SLC9D1: variants seen among roughly 807,000 people sequenced by gnomAD.
SLC9D1 encodes the protein solute carrier family 9 member D1, also known as putative LAG1-interacting protein.
chr13:113,518,297 G>A, the SLC9D1 span, among the ~76,000 whole-genome samples: 1 of 152,110 alleles, frequency 6.6e-6, no homozygotes, highest in African/African-American at 2.4e-5. Flanking sequence ...TGTTTCCTGC[G>A]CAGGCCCTGT....
At chr13:113,493,980 T>A in the SLC9D1 span, among the ~76,000 whole-genome samples, 2 of 152,240 alleles carry the variant, frequency 1.3e-5, no homozygotes, top group Non-Finnish European at 2.9e-5. Context: ...ATGCTGCCCT[T>A]ACTTTTGCTG....
At chr13:113,501,468 G>T in the SLC9D1 span, among the ~76,000 whole-genome samples, 2 of 152,136 alleles carry the variant, frequency 1.3e-5, no homozygotes, top group Non-Finnish European at 2.9e-5. Context: ...ATTCTGGTCT[G>T]GGGGGCAGGG....
At chr13:113,510,157 G>A in the SLC9D1 span, 2 of 1,297,890 alleles carry the variant, frequency 1.5e-6, no homozygotes, top group Non-Finnish European at 2.2e-6. Context: ...TTTCCTGGAT[G>A]CAGAAATGCG....
At chr13:113,509,406 G>A in the SLC9D1 span, among the ~76,000 whole-genome samples, 2,284 of 149,702 alleles carry the variant, frequency 0.015, 41 homozygotes, top group Non-Finnish European at 0.022. Flanking sequence ...GCCTGTCTAT[G>A]TTGGGACTGG....
At chr13:113,508,784 G>A in the SLC9D1 span, among the ~76,000 whole-genome samples, 6 of 152,250 alleles carry the variant, frequency 3.9e-5, no homozygotes, top group East Asian at 1.9e-4. Flanking sequence ...AAGCTGGGGC[G>A]TGTCTGCTCA....
chr13:113,533,139 C>T, the SLC9D1 span, among the ~76,000 whole-genome samples: 28 of 110,202 alleles, frequency 2.5e-4, no homozygotes, highest in Admixed American at 1.2e-3. Context: ...GGCCCTGCAG[C>T]GAGCTCTGAA....
the SLC9D1 span, chr13:113,501,953 G>C: frequency 8.0e-7 from 1 of 1,246,486 alleles, no homozygotes; most frequent in Non-Finnish European, 1.2e-6. Flanking sequence ...AGACTAAAAA[G>C]TATTGAATGT....
At chr13:113,504,978 T>C in the SLC9D1 span, 10 of 152,336 alleles carry the variant, frequency 6.6e-5, no homozygotes, top group South Asian at 2.1e-4. Context: ...ATCTATTCTT[T>C]TCATTTTTTG....
the SLC9D1 span, chr13:113,503,919 C>G: frequency 4.6e-6 from 1 of 219,638 alleles, no homozygotes; most frequent in Admixed American, 5.4e-5. Context: ...CTTGCATATT[C>G]AGTGTGTTAC....
the SLC9D1 span, among the ~76,000 whole-genome samples, chr13:113,517,957 A>G: frequency 6.6e-6 from 1 of 152,302 alleles, no homozygotes; most frequent in East Asian, 1.9e-4. Context: ...AATCTGAAGC[A>G]AATATGTTAC....
the SLC9D1 span, among the ~76,000 whole-genome samples, chr13:113,537,391 G>A: frequency 6.6e-6 from 1 of 152,232 alleles, no homozygotes; most frequent in Non-Finnish European, 1.5e-5. Context: ...TTCTGGCCGT[G>A]TCGCGTGGCG....
chr13:113,495,905 T>C, the SLC9D1 span: 1 of 1,614,020 alleles, frequency 6.2e-7, no homozygotes, highest in Non-Finnish European at 8.5e-7. Flanking sequence ...AAAGTGAAAA[T>C]TCCGTTTTCC....
the SLC9D1 span, chr13:113,510,350 C>G: frequency 1.2e-6 from 2 of 1,614,166 alleles, no homozygotes; most frequent in East Asian, 4.5e-5. Flanking sequence ...GTCTTCATTT[C>G]CACGTGTCTG....
chr13:113,501,682 C>G, the SLC9D1 span: 1 of 1,313,484 alleles, frequency 7.6e-7, no homozygotes, highest in South Asian at 1.3e-5. Flanking sequence ...TGTTCTGTGC[C>G]TCAGCCAGCC....
At chr13:113,518,535 C>A in the SLC9D1 span, among the ~76,000 whole-genome samples, 2 of 152,192 alleles carry the variant, frequency 1.3e-5, no homozygotes, top group African/African-American at 4.8e-5. Flanking sequence ...GATTTTGTTT[C>A]TTTTAAATAG....
chr13:113,516,763 A>C, the SLC9D1 span, among the ~76,000 whole-genome samples: 7 of 152,106 alleles, frequency 4.6e-5, no homozygotes, highest in Non-Finnish European at 7.4e-5. Context: ...CAACCCTCGA[A>C]GGAGTCCAGT....
At chr13:113,514,956 A>C in the SLC9D1 span, among the ~76,000 whole-genome samples, 19 of 152,224 alleles carry the variant, frequency 1.2e-4, no homozygotes, top group Non-Finnish European at 2.5e-4. Context: ...GGCCTCGAGC[A>C]GTCCTCCTGC....
chr13:113,519,164 C>T, the SLC9D1 span, among the ~76,000 whole-genome samples: 5 of 151,936 alleles, frequency 3.3e-5, no homozygotes, highest in Non-Finnish European at 7.4e-5. Context: ...CTGCCTCAGC[C>T]TCCCAAGTAG....
the SLC9D1 span, chr13:113,496,065 A>G: frequency 2.1e-6 from 3 of 1,426,860 alleles, no homozygotes; most frequent in South Asian, 1.2e-5. Context: ...AGGGAGAGGG[A>G]GAGAGAGGTG....
Sources: allele counts gnomAD v4.1 joint callset (sites outside exome capture counted in the v4.1 genomes callset), GRCh38; gene constraint gnomAD v4.1.1; transcripts MANE v1.5; gene names NCBI Gene and HGNC (gene_info 2026-07-23, HGNC 2026-07-21).